The following CACNA1D variants were observed in gnomAD, a reference collection of about 807,000 sequenced individuals.
The protein encoded by CACNA1D is calcium voltage-gated channel subunit alpha1 D, also known as voltage-dependent L-type calcium channel subunit alpha-1D.
In CACNA1D, 55 loss-of-function variants were observed where a neutral mutation model predicts 257.1. That is an observed-to-expected ratio of 0.21 (90% confidence interval 0.17 to 0.27). CACNA1D has a LOEUF of 0.27. Ranked by LOEUF, CACNA1D falls within the 10% of genes least tolerant of loss-of-function variation. CACNA1D has a pLI of 1.00. For synonymous variants in CACNA1D, 980 were observed against 1,014.9 expected (o/e 0.97, Z 0.65); for missense variants, 1,876 against 2,784.0 (o/e 0.67, Z 7.34).
chr3:53,681,349 A>G (rs1475011589), intron 8 of CACNA1D, among the ~76,000 whole-genome samples: 1 of 152,204 alleles, frequency 6.6e-6, no homozygotes, highest in Non-Finnish European at 1.5e-5. Flanking sequence ...CTCTGGAAAT[A>G]GGGCAACTGT....
At chr3:53,556,023 A>G (rs2092639351) in intron 3 of CACNA1D, among the ~76,000 whole-genome samples, 1 of 152,014 alleles carries the variant, frequency 6.6e-6, no homozygotes, top group Admixed American at 6.6e-5. Flanking sequence ...TCTGTTCTCT[A>G]TTGCTATAGT....
chr3:53,498,247 C>T (rs1249142999), intron 2 of CACNA1D, among the ~76,000 whole-genome samples: 1 of 152,150 alleles, frequency 6.6e-6, no homozygotes, highest in East Asian at 1.9e-4. Context: ...AAAATTCTGT[C>T]TATGTCCTTG....
intron 3 of CACNA1D, among the ~76,000 whole-genome samples, chr3:53,502,921 C>T (rs1355082839): frequency 1.3e-5 from 2 of 152,110 alleles, no homozygotes; most frequent in African/African-American, 4.8e-5. Flanking sequence ...TTGTTTTTGG[C>T]TTCTCATGTT....
intron 29 of CACNA1D, among the ~76,000 whole-genome samples, chr3:53,755,158 A>C (rs986810494): frequency 1.2e-4 from 19 of 152,254 alleles, no homozygotes; most frequent in Admixed American, 1.2e-3. Context: ...AAAAGGTTGC[A>C]AAGTAAGAAC....
At chr3:53,772,701 T>C (rs1267564131) in intron 32 of CACNA1D, 132 bp from the exon 33 acceptor site, 4 of 720,934 alleles carry the variant, frequency 5.5e-6, no homozygotes, top group Non-Finnish European at 1.0e-5. Context: ...TCTTCCTCAC[T>C]GTCGATATTC....
intron 9 of CACNA1D, among the ~76,000 whole-genome samples, chr3:53,705,502 G>A (rs902616588): frequency 6.6e-6 from 1 of 152,186 alleles, no homozygotes; most frequent in African/African-American, 2.4e-5. Context: ...ACCGTGATGT[G>A]TGACTCAAAA....
At chr3:53,639,107 C>T (rs1388089274) in intron 3 of CACNA1D, among the ~76,000 whole-genome samples, 1 of 152,176 alleles carries the variant, frequency 6.6e-6, no homozygotes, top group African/African-American at 2.4e-5. Flanking sequence ...AACTCAGTGC[C>T]TGTGAACCTC....
chr3:53,718,605 A>G, intron 10 of CACNA1D: 1 of 436,496 alleles, frequency 2.3e-6, no homozygotes, highest in Middle Eastern at 7.1e-4. Context: ...CCGGCCCAGC[A>G]TTTCACATGC....
At chr3:53,557,391 G>T (rs2092664655) in intron 3 of CACNA1D, among the ~76,000 whole-genome samples, 1 of 152,098 alleles carries the variant, frequency 6.6e-6, no homozygotes, top group Non-Finnish European at 1.5e-5. Context: ...CTACTTGGGA[G>T]GCTGGGGCAG....
rs35938386 is a variant in CACNA1D, at chr3:53,505,115, G to GTTTT, written c.483+3413_483+3416dup. On this transcript the variant is annotated intron_variant, in intron 3 of 47. Coordinates refer to ENST00000350061, the MANE Select transcript of CACNA1D (RefSeq NM_001128840.3). ...CCAGGTGCTTTTTATTTGTTTATTT[G>GTTTT]TTTTTTTTTTTTTTTTTTTTTGAGG... Among the ~76,000 whole-genome samples, 144 of 97,598 alleles carry GTTTT rather than the reference G, an allele frequency of 1.5e-3. 2 individuals are homozygous for GTTTT. Among genetic ancestry groups the GTTTT allele is most frequent in the African/African-American group, 2.2e-3 (52 of 24,182 alleles). 64.0% of individuals were successfully genotyped at this position (97,598 alleles called of 152,430 possible).
chr3:53,732,595 C>T (rs1233196990), intron 18 of CACNA1D, among the ~76,000 whole-genome samples: 7 of 152,238 alleles, frequency 4.6e-5, no homozygotes, highest in Admixed American at 6.5e-5. Context: ...TCATCATTCC[C>T]GCAAACTAAA....
At position 53,495,066 on chromosome 3, in the gene CACNA1D, C is replaced by T. The variant is rs1334952467; in HGVS notation, c.-101C>T. ...CTGAAGCGAGAATAAGGGCAGGGAC[C>T]GCGGCTCCTACCTCTTGGTGATCCC... On this transcript the variant is annotated 5_prime_UTR_variant, in exon 1 of 48. Coordinates refer to ENST00000350061, the MANE Select transcript of CACNA1D (RefSeq NM_001128840.3). The surrounding 1 kb of genome is among the most constrained non-coding windows in gnomAD (Gnocchi z 5.1). 3 of 734,504 alleles carry T rather than the reference C, an allele frequency of 4.1e-6. No individual in the cohort carries two copies. Among genetic ancestry groups the T allele is most frequent in the African/African-American group, 1.8e-5 (1 of 56,840 alleles). 45.5% of individuals were successfully genotyped at this position (734,504 alleles called of 1,614,324 possible).
intron 7 of CACNA1D, among the ~76,000 whole-genome samples, chr3:53,668,981 G>A (rs1180324066): frequency 6.6e-6 from 1 of 152,168 alleles, no homozygotes; most frequent in Non-Finnish European, 1.5e-5. Context: ...TGGTCTGCAG[G>A]TCATGCTGTG....
intron 39 of CACNA1D, 73 bp from the exon 40 acceptor site, chr3:53,786,749 G>A: frequency 3.5e-6 from 2 of 563,752 alleles, no homozygotes; most frequent in Non-Finnish European, 3.1e-6. Context: ...CCCTGCCCCA[G>A]CCAGAAGCAA....
At chr3:53,497,895 A>G (rs1346831997) in intron 2 of CACNA1D, among the ~76,000 whole-genome samples, 3 of 152,176 alleles carry the variant, frequency 2.0e-5, no homozygotes, top group Admixed American at 2.0e-4. Flanking sequence ...TACATTTTTG[A>G]CCTTTAGTAG....
intron 3 of CACNA1D, among the ~76,000 whole-genome samples, chr3:53,605,414 C>G (rs1042978628): frequency 6.6e-6 from 1 of 152,152 alleles, no homozygotes; most frequent in Non-Finnish European, 1.5e-5. Flanking sequence ...AGAAGGGACT[C>G]GAACTAATTG....
At chr3:53,696,991 G>A (rs912904593) in intron 8 of CACNA1D, among the ~76,000 whole-genome samples, 6 of 152,140 alleles carry the variant, frequency 3.9e-5, no homozygotes, top group Admixed American at 6.5e-5. Context: ...TGCTCTGGCC[G>A]CAGCTCCTGT....
chr3:53,722,543 G>C (rs982688900), intron 12 of CACNA1D, 69 bp downstream of exon 12: 29 of 1,456,664 alleles, frequency 2.0e-5, no homozygotes, highest in Non-Finnish European at 2.5e-5. Context: ...CTGCCATTTG[G>C]TCTTATCTGA....
intron 3 of CACNA1D, among the ~76,000 whole-genome samples, chr3:53,573,513 C>A (rs1435085635): frequency 6.6e-6 from 1 of 152,208 alleles, no homozygotes; most frequent in African/African-American, 2.4e-5. Context: ...TAGCTCTGGT[C>A]CCAGTGTCTA....
Sources: allele counts gnomAD v4.1 joint callset (sites outside exome capture counted in the v4.1 genomes callset), GRCh38; gene constraint gnomAD v4.1.1; non-coding constraint Gnocchi (gnomAD v3.1); transcripts MANE v1.5; gene names NCBI Gene and HGNC (gene_info 2026-07-23, HGNC 2026-07-21).